Variants in LSM14A observed in about 807,000 individuals in gnomAD.
LSM14A encodes the protein LSM14A mRNA processing body assembly factor.
In LSM14A, 14 loss-of-function variants were observed where a neutral mutation model predicts 52.4. That is an observed-to-expected ratio of 0.27 (90% CI 0.18 to 0.42). The LOEUF (loss-of-function observed/expected upper bound fraction) is 0.42, where lower values mean the gene tolerates loss of function less well. LSM14A is among the 10% of genes least tolerant of loss of function. The pLI is 1.00. For missense variants in LSM14A, 417 were observed against 581.8 expected, an observed-to-expected ratio of 0.72 and a Z score of 2.91; for synonymous variants, 185 against 200.3, an observed-to-expected ratio of 0.92 and a Z score of 0.64.
At chr19:34,223,239 C>A (rs753274605) in intron 9 of LSM14A, among the ~76,000 whole-genome samples, 31 of 152,012 alleles carry the variant, frequency 2.0e-4, no homozygotes, top group Non-Finnish European at 3.1e-4. Context: ...CACCACCATG[C>A]CCAGCTAATT....
chr19:34,225,320 C>T (rs990520039), intron 9 of LSM14A, among the ~76,000 whole-genome samples: 5 of 152,282 alleles, frequency 3.3e-5, no homozygotes, highest in African/African-American at 1.2e-4. Context: ...AGCCCTACAC[C>T]TCCTAAATCA....
chr19:34,189,231 C>T (rs942718062), intron 1 of LSM14A, among the ~76,000 whole-genome samples: 2 of 152,114 alleles, frequency 1.3e-5, no homozygotes, highest in Non-Finnish European at 2.9e-5. Flanking sequence ...AGTAGTATGG[C>T]TTACTTTGAA....
chr19:34,219,518 A>G lies in LSM14A; in HGVS notation c.909A>G (p.Ala303=), dbSNP rs201839474. 2.5e-6 allele frequency: 4 copies of G among 1,614,008 alleles called. No individual in the cohort carries two copies. The highest frequency in any genetic ancestry group is 2.2e-5 in the South Asian group (2 of 91,068). The change falls in exon 7 of 10, where the codon GCA becomes GCG. Residue 303 remains alanine (A), a synonymous_variant. Transcript: ENST00000544216. Reference sequence around the variant, plus strand: ...ACTTTGACTTTGAAAGTGCAAATGCACAATTCAACAAGGAAGAGATTGACA... The same window carrying G: ...ACTTTGACTTTGAAAGTGCAAATGCGCAATTCAACAAGGAAGAGATTGACA... ...EKDFDFESAN[A]QFNKEEIDRE...
At chr19:34,221,971 C>G in intron 9 of LSM14A, 1 of 527,394 alleles carries the variant, frequency 1.9e-6, no homozygotes, top group Non-Finnish European at 2.4e-6. Context: ...CTTTTAACAC[C>G]CAAAGAGTCT....
At chr19:34,217,359 TTTTC>T (rs1313846988) in intron 6 of LSM14A, among the ~76,000 whole-genome samples, 2 of 151,748 alleles carry the variant, frequency 1.3e-5, no homozygotes, top group Non-Finnish European at 2.9e-5. Flanking sequence ...AGGTTTTATA[TTTTC>T]TTTATCTGTT....
At chr19:34,212,833 G>A (rs2072269713) in intron 4 of LSM14A, among the ~76,000 whole-genome samples, 1 of 152,166 alleles carries the variant, frequency 6.6e-6, no homozygotes, top group Non-Finnish European at 1.5e-5. Context: ...TTCTGTACTT[G>A]CTCCGATTGC....
chr19:34,192,809 C>T (rs574575999), intron 1 of LSM14A, among the ~76,000 whole-genome samples: 243 of 151,556 alleles, frequency 1.6e-3, no homozygotes, highest in Middle Eastern at 6.8e-3. Context: ...ACCCCATCTC[C>T]GCTAAAAAAA....
chr19:34,221,740 T>C lies in LSM14A; in HGVS notation c.1368+2T>C, dbSNP rs1568502516. ...GAGTTTGCGGATTTTGAATATAGGG[T>C]AAGTGTTACTGTTAATAAATTCTTT... is the stretch of plus-strand genomic sequence containing the variant. On this transcript the variant is annotated splice_donor_variant, in intron 9 of 9. Coordinates refer to ENST00000544216, the MANE Select transcript of LSM14A (RefSeq NM_015578.4). LOFTEE classifies it high-confidence loss of function. 1.2e-6 allele frequency: 2 copies of C among 1,604,840 alleles called. No individual in the cohort carries two copies. The highest frequency in any genetic ancestry group is 1.7e-5 in the Admixed American group (1 of 59,782).
chr19:34,206,786 T>A (rs975034285), intron 3 of LSM14A, among the ~76,000 whole-genome samples: 3 of 152,130 alleles, frequency 2.0e-5, no homozygotes, highest in Admixed American at 1.3e-4. Flanking sequence ...ACAAGAAAAT[T>A]ATAGATCATT....
rs1182844420 is a variant in LSM14A at position 34,229,017 on chromosome 19, C to T, written c.*1629C>T. On this transcript the variant is annotated 3_prime_UTR_variant, in exon 10 of 10. Coordinates refer to ENST00000544216, the MANE Select transcript of LSM14A (RefSeq NM_015578.4). ...ACAAATCATGATATTGAACACAGTT[C>T]CGAGGCATTCAGAGCATCAGAGCAA... 6.6e-6 allele frequency: 1 copy of T among 152,176 alleles called. No homozygotes were observed. Among genetic ancestry groups the T allele is most frequent in the Non-Finnish European group, 1.5e-5 (1 of 68,044 alleles). 9.4% of individuals were successfully genotyped at this position (152,176 alleles called of 1,614,324 possible). A position where few individuals can be genotyped will look rare whatever the true frequency, so the allele number is the denominator to read the frequency against.
At chr19:34,202,514 G>A (rs1208554340) in intron 3 of LSM14A, among the ~76,000 whole-genome samples, 2 of 150,016 alleles carry the variant, frequency 1.3e-5, no homozygotes, top group Non-Finnish European at 3.0e-5. Context: ...AAAAAATCTT[G>A]CTTATAGTGA....
chr19:34,194,747 T>C, intron 2 of LSM14A, 106 bp downstream of exon 2: 1 of 1,003,642 alleles, frequency 1.0e-6, no homozygotes. Context: ...CATTTCCAAG[T>C]TACTGGGATA....
intron 4 of LSM14A, among the ~76,000 whole-genome samples, chr19:34,209,634 A>G (rs924284132): frequency 6.6e-6 from 1 of 152,142 alleles, no homozygotes; most frequent in Non-Finnish European, 1.5e-5. Flanking sequence ...CCAGTCTCAT[A>G]ATTTTAAATG....
At chr19:34,213,325 T>C (rs949144069) in intron 4 of LSM14A, among the ~76,000 whole-genome samples, 4 of 152,334 alleles carry the variant, frequency 2.6e-5, no homozygotes, top group African/African-American at 9.6e-5. Context: ...CCTGTGTCGG[T>C]TTCTGGGTTT....
In LSM14A at chr19:34,227,447, G is replaced by T; in HGVS notation, c.*59G>T. 8 of 1,282,966 alleles carry T rather than the reference G, an allele frequency of 6.2e-6. No homozygotes were observed. The highest frequency in any genetic ancestry group is 6.5e-6 in the Non-Finnish European group (6 of 923,436). The allele number at this position is 1,282,966 out of a possible 1,614,324, so 79.5% of individuals were successfully genotyped here. A position where few individuals can be genotyped will look rare whatever the true frequency, so the allele number is the denominator to read the frequency against. On this transcript the variant is annotated 3_prime_UTR_variant, in exon 10 of 10. Transcript: ENST00000544216. ...CTAGCTCTTCATGGTCCTGAACATT[G>T]ATTTCAGTCTTTGCAAAGAATGAAG... is the stretch of plus-strand genomic sequence containing the variant.
intron 3 of LSM14A, among the ~76,000 whole-genome samples, chr19:34,198,912 A>C (rs1262903468): frequency 6.6e-6 from 1 of 151,728 alleles, no homozygotes; most frequent in Non-Finnish European, 1.5e-5. Flanking sequence ...GCGTGAACCC[A>C]GGAGGCGGAG....
chr19:34,184,426 C>G (rs2145550792), intron 1 of LSM14A, among the ~76,000 whole-genome samples: 1 of 152,140 alleles, frequency 6.6e-6, no homozygotes, highest in Admixed American at 6.5e-5. Context: ...TTTTAGAAAC[C>G]TTAAATTTCA....
rs552338404 is a variant in LSM14A at position 34,211,852 on chromosome 19, T to A, written c.538+2801T>A. Among the ~76,000 whole-genome samples the A allele has an allele frequency of 8.6e-5, 13 of 152,022 alleles. No individual in the cohort carries two copies. In the South Asian group the frequency reaches 2.7e-3, roughly 32 times the overall value. On this transcript the variant is annotated intron_variant, in intron 4 of 9. Transcript: ENST00000544216. ...TCATAGTTAACAAATTTATTGCAAA[T>A]TAATTAAAAATCAATGCAAATAGAA...
intron 9 of LSM14A, 185 bp downstream of exon 9, chr19:34,221,923 A>G (rs2073091095): frequency 8.1e-7 from 1 of 1,230,634 alleles, no homozygotes; most frequent in East Asian, 2.6e-5. Context: ...AAAAAAAGAC[A>G]GTATAGTATC....
Sources: gnomAD v4.1 joint callset for allele counts (sites outside exome capture counted in the v4.1 genomes callset) on GRCh38, gnomAD v4.1.1 for gene constraint, MANE v1.5 for transcripts, NCBI Gene and HGNC (gene_info 2026-07-23, HGNC 2026-07-21) for gene names.